Variants in COL19A1 observed in about 807,000 individuals in gnomAD.
The protein encoded by COL19A1 is collagen type XIX alpha 1 chain.
COL19A1 carries 159 observed loss-of-function variants against 190.2 expected under a neutral mutation model. The observed-to-expected ratio is 0.84, with a 90% confidence interval of 0.73 to 0.95. COL19A1 has a LOEUF of 0.95. COL19A1 is among the 40% of genes least tolerant of loss of function. COL19A1 has a pLI of 0.00. For missense variants in COL19A1, 1,418 were observed against 1,431.9 expected (o/e 0.99, Z 0.16); for synonymous variants, 509 against 458.9 (o/e 1.11, Z -1.39).
At chr6:69,999,015 C>G (rs1210777951) in intron 11 of COL19A1, among the ~76,000 whole-genome samples, 1 of 151,612 alleles carries the variant, frequency 6.6e-6, no homozygotes, top group African/African-American at 2.4e-5. Context: ...ACCTCTGCCT[C>G]CCGGGTTCAA....
At chr6:70,195,225 G>GT (rs544670790) in intron 48 of COL19A1, among the ~76,000 whole-genome samples, 152 of 149,618 alleles carry the variant, frequency 1.0e-3, no homozygotes, top group South Asian at 1.9e-3. Context: ...GCTTCTTTCT[G>GT]TTTTTTTGGT....
At chr6:70,183,323 G>A (rs545439120) in intron 44 of COL19A1, among the ~76,000 whole-genome samples, 1 of 152,168 alleles carries the variant, frequency 6.6e-6, no homozygotes, top group Admixed American at 6.5e-5. Flanking sequence ...GGGTAGAGAG[G>A]AGCAAATACA....
At chr6:70,075,424 G>T (rs1287527532) in intron 15 of COL19A1, among the ~76,000 whole-genome samples, 3 of 152,168 alleles carry the variant, frequency 2.0e-5, no homozygotes, top group Non-Finnish European at 2.9e-5. Flanking sequence ...AGTAAGACAG[G>T]AAAAAGGGGG....
rs1765226178 is a variant in COL19A1, at chr6:70,167,407, A to G, written c.2446-618A>G. On this transcript the variant is annotated intron_variant, in intron 37 of 50. Coordinates refer to ENST00000620364, the MANE Select transcript of COL19A1 (RefSeq NM_001858.6). Reference sequence around the variant, plus strand: ...CTAAAATGTATGATTTTTTTAAACTATAGAATAAGTTCTCCTTTAAGTGTT... The same window carrying G: ...CTAAAATGTATGATTTTTTTAAACTGTAGAATAAGTTCTCCTTTAAGTGTT... 1.3e-5 allele frequency among the ~76,000 whole-genome samples: 2 copies of G among 152,222 alleles called. 1 individual carries two copies. The highest frequency in any genetic ancestry group is 4.1e-4 in the South Asian group (2 of 4,836).
intron 27 of COL19A1, 129 bp from the exon 28 acceptor site, chr6:70,149,575 C>G: frequency 8.8e-7 from 1 of 1,130,368 alleles, no homozygotes; most frequent in Non-Finnish European, 1.3e-6. Flanking sequence ...TTGCAGTTTT[C>G]CACGTGTGTA....
chr6:69,875,369 G>T (rs1025910888), intron 1 of COL19A1, among the ~76,000 whole-genome samples: 4 of 152,286 alleles, frequency 2.6e-5, no homozygotes, highest in Non-Finnish European at 4.4e-5. Context: ...CCATTAAAAA[G>T]CTTGAAGCAA....
At chr6:69,971,537 C>A (rs1477036618) in intron 11 of COL19A1, among the ~76,000 whole-genome samples, 1 of 152,112 alleles carries the variant, frequency 6.6e-6, no homozygotes, top group Non-Finnish European at 1.5e-5. Flanking sequence ...AAATCCAAAG[C>A]CATCATAAGG....
At chr6:70,196,116 A>G (rs1250207066) in intron 48 of COL19A1, among the ~76,000 whole-genome samples, 2 of 152,212 alleles carry the variant, frequency 1.3e-5, no homozygotes, top group Non-Finnish European at 2.9e-5. Context: ...GAATCCACCA[A>G]ATGATGCTGT....
chr6:70,052,331 G>A (rs1469628236), intron 14 of COL19A1, among the ~76,000 whole-genome samples: 1 of 152,160 alleles, frequency 6.6e-6, no homozygotes, highest in East Asian at 1.9e-4. Context: ...TCAGAACCTA[G>A]AGCAGTTAGT....
At chr6:69,993,925 TA>T (rs1188355857) in intron 11 of COL19A1, among the ~76,000 whole-genome samples, 37 of 151,892 alleles carry the variant, frequency 2.4e-4, no homozygotes, top group African/African-American at 8.2e-4. Context: ...TGATCTTTTG[TA>T]TGTTTTTTTT....
chr6:69,940,402 A>G (rs368235949), intron 9 of COL19A1, among the ~76,000 whole-genome samples: 4 of 152,134 alleles, frequency 2.6e-5, no homozygotes, highest in African/African-American at 4.8e-5. Flanking sequence ...CGAGTTTACA[A>G]TCTTGTGACA....
chr6:70,201,454 C>T (rs965536954), intron 49 of COL19A1, among the ~76,000 whole-genome samples: 5 of 152,142 alleles, frequency 3.3e-5, no homozygotes, highest in African/African-American at 1.2e-4. Flanking sequence ...TGCTCTTGTG[C>T]CTCAAAGATA....
At chr6:69,921,481 T>TATATATTCATATATATTC (rs1554166285) in intron 4 of COL19A1, among the ~76,000 whole-genome samples, 61,605 of 85,948 alleles carry the variant, frequency 0.72, 24,173 homozygotes, top group East Asian at 0.86. Context: ...CATATATTCA[T>TATATATTCATATATATTC]ATATATTCAT....
Position 70,142,241 on chromosome 6 carries a change from G to A in COL19A1, c.1572+165G>A, listed in dbSNP as rs369060602. 4.6e-5 allele frequency among the ~76,000 whole-genome samples: 7 copies of A among 152,100 alleles called. No homozygotes were observed. In the East Asian group the frequency reaches 1.2e-3, roughly 25 times the overall value. On this transcript the variant is annotated intron_variant, in intron 22 of 50. Transcript: ENST00000620364. ...TCCCCACTGGCTGCATTTATTACAC[G>A]CATAGTAACTGTCTTTTGGTTTTCA...
intron 16 of COL19A1, among the ~76,000 whole-genome samples, chr6:70,116,730 T>C (rs1784602821): frequency 6.6e-6 from 1 of 152,236 alleles, no homozygotes; most frequent in African/African-American, 2.4e-5. Context: ...GAAATGTTTC[T>C]TGAAAATTAG....
intron 11 of COL19A1, among the ~76,000 whole-genome samples, chr6:69,977,084 A>T (rs1414537392): frequency 6.6e-6 from 1 of 152,198 alleles, no homozygotes. Flanking sequence ...AAGGATTATA[A>T]ATCATGCTGC....
At chr6:69,919,625 A>G (rs1257834857) in intron 4 of COL19A1, among the ~76,000 whole-genome samples, 1 of 152,140 alleles carries the variant, frequency 6.6e-6, no homozygotes, top group Non-Finnish European at 1.5e-5. Flanking sequence ...TTAATATGGA[A>G]TTTGGACAAA....
intron 49 of COL19A1, among the ~76,000 whole-genome samples, chr6:70,204,085 T>C (rs1359728371): frequency 6.6e-6 from 1 of 152,206 alleles, no homozygotes; most frequent in Admixed American, 6.6e-5. Context: ...GGTCTTGAAC[T>C]CCTGACCTCA....
chr6:70,161,486 AC>A (rs1164289162), intron 34 of COL19A1, among the ~76,000 whole-genome samples: 1 of 152,152 alleles, frequency 6.6e-6, no homozygotes, highest in Non-Finnish European at 1.5e-5. Context: ...CTGAGTATTC[AC>A]ACATATTCTT....
Sources: gnomAD v4.1 joint callset for allele counts (sites outside exome capture counted in the v4.1 genomes callset) on GRCh38, gnomAD v4.1.1 for gene constraint, MANE v1.5 for transcripts, NCBI Gene and HGNC (gene_info 2026-07-23, HGNC 2026-07-21) for gene names.